The following ACTR6 variants were observed in gnomAD, a reference collection of about 807,000 sequenced individuals.
ACTR6 encodes actin-related protein 6.
ACTR6 carries 50 observed loss-of-function variants against 52.5 expected under a neutral mutation model. That is an observed-to-expected ratio of 0.95 (90% CI 0.76 to 1.20). The LOEUF is 1.20. Ranked by LOEUF, ACTR6 falls within the 50% of genes most tolerant of loss-of-function variation. The pLI is 0.00. For missense variants in ACTR6, 344 were observed against 472.4 expected (o/e 0.73, Z 2.52); for synonymous variants, 135 against 147.2 (o/e 0.92, Z 0.60).
chr12:100,222,508 T>C (rs2096129123), intron 10 of ACTR6, among the ~76,000 whole-genome samples: 1 of 151,872 alleles, frequency 6.6e-6, no homozygotes, highest in Non-Finnish European at 1.5e-5. Context: ...TCCTCCCACC[T>C]CGACCTACCA....
chr12:100,221,691 T>C (rs1339635499), intron 10 of ACTR6: 1 of 151,978 alleles, frequency 6.6e-6, no homozygotes, highest in African/African-American at 2.4e-5. Flanking sequence ...CCACTTTGGG[T>C]GGCCAAGGTA....
intron 10 of ACTR6, among the ~76,000 whole-genome samples, chr12:100,221,454 C>T (rs1230027736): frequency 6.6e-6 from 1 of 152,090 alleles, no homozygotes; most frequent in Non-Finnish European, 1.5e-5. Flanking sequence ...GACTATAAAG[C>T]ATATTGGCTT....
At chr12:100,222,655 C>A (rs1349937115) in intron 10 of ACTR6, among the ~76,000 whole-genome samples, 1 of 152,138 alleles carries the variant, frequency 6.6e-6, no homozygotes, top group Non-Finnish European at 1.5e-5. Flanking sequence ...CCTGCCTGAG[C>A]CTCCTAAGTA....
chr12:100,201,037 G>C, intron 1 of ACTR6, 118 bp downstream of exon 1: 1 of 1,566,968 alleles, frequency 6.4e-7, no homozygotes, highest in South Asian at 1.2e-5. Context: ...GACTTAGCCA[G>C]AGGGATTCCC....
At chr12:100,212,398 G>A in intron 7 of ACTR6, 44 bp downstream of exon 7, 2 of 1,591,256 alleles carry the variant, frequency 1.3e-6, no homozygotes, top group Non-Finnish European at 1.7e-6. Flanking sequence ...AGATTGTTAG[G>A]GGATGTTACA....
At chr12:100,208,567 G>A (rs781167383) in intron 4 of ACTR6, among the ~76,000 whole-genome samples, 3 of 151,968 alleles carry the variant, frequency 2.0e-5, no homozygotes, top group South Asian at 2.1e-4. Flanking sequence ...GAGCCACTGC[G>A]CAAGTTTTGG....
At position 100,218,866 on chromosome 12, in the gene ACTR6, T is replaced by C. The variant is rs1735961151; in HGVS notation, c.922+280T>C. On this transcript the variant is annotated intron_variant, in intron 9 of 10. Transcript: ENST00000188312. The surrounding 1 kb of genome is among the most constrained non-coding windows in gnomAD (Gnocchi z 4.2). ...GAGCATTAAATTGCCATATCCATTTTAGGAAAGTTTTAATTTAACCCAGAT... is the reference window on the plus strand; with the variant it reads ...GAGCATTAAATTGCCATATCCATTTCAGGAAAGTTTTAATTTAACCCAGAT... Among the ~76,000 whole-genome samples, 1 of 152,140 alleles carries C rather than the reference T, an allele frequency of 6.6e-6. No individual in the cohort carries two copies. The highest frequency in any genetic ancestry group is 6.5e-5 in the Admixed American group (1 of 15,272).
chr12:100,214,008 T>C (rs747343637), intron 8 of ACTR6, among the ~76,000 whole-genome samples: 5 of 152,224 alleles, frequency 3.3e-5, no homozygotes, highest in Admixed American at 6.5e-5. Flanking sequence ...TATGTTCGTA[T>C]AGTAAAATAA....
At chr12:100,223,376 T>C (rs1030195142) in intron 10 of ACTR6, among the ~76,000 whole-genome samples, 3 of 152,140 alleles carry the variant, frequency 2.0e-5, no homozygotes, top group Non-Finnish European at 2.9e-5. Flanking sequence ...GTAATAGCTA[T>C]TTTATGAGTT....
intron 10 of ACTR6, among the ~76,000 whole-genome samples, chr12:100,222,901 A>G (rs891072150): frequency 1.0e-4 from 15 of 147,666 alleles, no homozygotes; most frequent in East Asian, 9.6e-4. Context: ...ATCATACACT[A>G]TGTTTTCTGT....
intron 1 of ACTR6, among the ~76,000 whole-genome samples, chr12:100,203,218 C>T (rs2096111356): frequency 6.6e-6 from 1 of 152,184 alleles, no homozygotes. Flanking sequence ...AGACCACAGA[C>T]AGGTACCGGA....
rs780680626 is a variant in ACTR6, at chr12:100,218,369, G to A, written c.751-46G>A. Reference sequence around the variant, plus strand: ...GCATATTACTAATTATTAGTCATGTGAGCTAGATAATATAACTTAAACTTT... The same window carrying A: ...GCATATTACTAATTATTAGTCATGTAAGCTAGATAATATAACTTAAACTTT... On this transcript the variant is annotated intron_variant, in intron 8 of 10. Coordinates refer to ENST00000188312, the MANE Select transcript of ACTR6 (RefSeq NM_022496.5). This position sits in a 1 kb window ranked among gnomAD's most constrained non-coding sequence, Gnocchi z 4.2. The A allele has an allele frequency of 3.4e-6, 5 of 1,456,090 alleles. No homozygotes were observed. The East Asian group carries it at 9.5e-5, about 28-fold the overall frequency. The allele number at this position is 1,456,090 out of a possible 1,614,324, so 90.2% of individuals were successfully genotyped here. A position where few individuals can be genotyped will look rare whatever the true frequency, so the allele number is the denominator to read the frequency against.
intron 8 of ACTR6, among the ~76,000 whole-genome samples, 155 bp downstream of exon 8, chr12:100,212,683 CAAGT>C (rs2096120802): frequency 6.6e-6 from 1 of 151,820 alleles, no homozygotes; most frequent in South Asian, 2.1e-4. Flanking sequence ...AGTGATATTT[CAAGT>C]GATCACCTCA....
intron 8 of ACTR6, among the ~76,000 whole-genome samples, chr12:100,216,329 A>T (rs771620595): frequency 2.0e-5 from 3 of 152,200 alleles, no homozygotes; most frequent in Non-Finnish European, 4.4e-5. Context: ...CTAAGTTTTT[A>T]AAAAGTTATT....
rs146580832 is a variant in ACTR6, at chr12:100,200,827, C to G, written c.-25C>G. 2.5e-6 allele frequency: 4 copies of G among 1,613,292 alleles called. No homozygotes were observed. The South Asian group carries it at 4.4e-5, about 18-fold the overall frequency. ...AGGGGTCGGAAAGGGAAAACAACTA[C>G]GGCTGCGGTGTGGTTGGTGGTGAGA... On this transcript the variant is annotated 5_prime_UTR_variant, in exon 1 of 11. Coordinates refer to ENST00000188312, the MANE Select transcript of ACTR6 (RefSeq NM_022496.5).
Position 100,212,450 on chromosome 12 carries a change from GT to G in ACTR6, c.674del (p.Leu225Ter). On this transcript the variant is annotated frameshift_variant and splice_region_variant, in exon 8 of 11. Coordinates refer to ENST00000188312, the MANE Select transcript of ACTR6 (RefSeq NM_022496.5). LOFTEE classifies it high-confidence loss of function. Reference protein sequence around the residue: ...DFYRDMDIAKLKGEENTVMID... With the variant: ...DFYRDMDIAKXKGEENTVMID... ...CATAAATCTCAATTTTGTTTTCCAG[GT>G]TGAAAGGAGAAGAAAATACAGTAAT... is the stretch of plus-strand genomic sequence containing the variant. 2 of 1,613,096 alleles carry G rather than the reference GT, an allele frequency of 1.2e-6. No individual in the cohort carries two copies. The highest frequency in any genetic ancestry group is 1.7e-6 in the Non-Finnish European group (2 of 1,179,224).
chr12:100,207,681 A>G lies in ACTR6; in HGVS notation c.274A>G (p.Asn92Asp). 6.5e-7 allele frequency: 1 copy of G among 1,538,268 alleles called. No individual in the cohort carries two copies. Among genetic ancestry groups the G allele is most frequent in the South Asian group, 1.2e-5 (1 of 84,184 alleles). ...EMYQVDFLDT[N>D]IIITEPYFNF... Reference sequence around the variant, plus strand: ...CCTATAGGTTGATTTTTTAGATACTAATATTATTATCACTGAACCATACTT... The same window carrying G: ...CCTATAGGTTGATTTTTTAGATACTGATATTATTATCACTGAACCATACTT... The change falls in exon 4 of 11, where the codon AAT (asparagine) becomes GAT (aspartate). Residue 92 changes from asparagine to aspartate, a missense_variant. Transcript: ENST00000188312.
At chr12:100,205,598 T>G (rs1217770268) in intron 2 of ACTR6, 78 bp from the exon 3 acceptor site, 3 of 870,264 alleles carry the variant, frequency 3.4e-6, no homozygotes, top group Admixed American at 6.2e-5. Flanking sequence ...TTTTAAAAAT[T>G]ATTCAAATAT....
chr12:100,213,180 C>T (rs61940528), intron 8 of ACTR6, among the ~76,000 whole-genome samples: 6,600 of 151,632 alleles, frequency 0.044, 315 homozygotes, highest in African/African-American at 0.12. Flanking sequence ...ATAGCCTTTA[C>T]CTCCCAGGCC....
Sources: gnomAD v4.1 joint callset for allele counts (sites outside exome capture counted in the v4.1 genomes callset) on GRCh38, gnomAD v4.1.1 for gene constraint, Gnocchi (gnomAD v3.1) non-coding constraint, MANE v1.5 for transcripts, NCBI Gene and HGNC (gene_info 2026-07-23, HGNC 2026-07-21) for gene names.